The following ZSCAN25 variants were observed in gnomAD, a reference collection of about 807,000 sequenced individuals.
The protein encoded by ZSCAN25 is zinc finger and SCAN domain-containing protein 25.
In ZSCAN25, 27 loss-of-function variants were observed where a neutral mutation model predicts 38.7. The ratio of observed to expected loss-of-function variants is 0.70; its 90% confidence interval spans 0.51 to 0.96. The LOEUF is 0.96. Among genes scored for constraint, ZSCAN25 ranks in the 40% least tolerant of loss-of-function variants. The probability of loss-of-function intolerance (pLI) is 0.00; values close to 1 mark genes in which losing one functional copy is unlikely to be tolerated. For synonymous variants in ZSCAN25, 273 were observed against 277.7 expected (o/e 0.98, Z 0.17); for missense variants, 637 against 705.9 (o/e 0.90, Z 1.11).
chr7:99,678,284 G>C, the ZSCAN25 span, among the ~76,000 whole-genome samples: 21 of 152,200 alleles, frequency 1.4e-4, no homozygotes, highest in African/African-American at 3.9e-4. Context: ...GACCTCCACG[G>C]TGGGGCCAGG....
the ZSCAN25 span, chr7:99,666,942 A>G: frequency 1.2e-6 from 2 of 1,612,382 alleles, no homozygotes; most frequent in Non-Finnish European, 1.7e-6. Context: ...GACTCATCTT[A>G]TTTTCATACC....
the ZSCAN25 span, chr7:99,648,155 A>G: frequency 2.8e-5 from 39 of 1,395,516 alleles, 1 homozygote; most frequent in Non-Finnish European, 3.5e-5. Context: ...ACTCTGGGAG[A>G]GCTCAATGAA....
the ZSCAN25 span, chr7:99,648,317 T>TA: frequency 6.2e-7 from 1 of 1,612,864 alleles, no homozygotes; most frequent in Non-Finnish European, 8.5e-7. Flanking sequence ...ATTCTCCACT[T>TA]AGGGTTCCAT....
At chr7:99,650,017 A>C in the ZSCAN25 span, 2 of 1,591,250 alleles carry the variant, frequency 1.3e-6, no homozygotes, top group South Asian at 2.2e-5. Context: ...CTTTTAAAAA[A>C]TATATACCCT....
chr7:99,722,120 A>G, the ZSCAN25 span, among the ~76,000 whole-genome samples: 43 of 152,248 alleles, frequency 2.8e-4, no homozygotes, highest in Non-Finnish European at 5.6e-4. Flanking sequence ...ACAGTTTCCC[A>G]TTCTAATACT....
At chr7:99,636,034 G>A (rs376888679), downstream of ZSCAN25, among the ~76,000 whole-genome samples, 2 of 125,300 alleles carry the variant, frequency 1.6e-5, no homozygotes, top group East Asian at 2.3e-4. Flanking sequence ...GCAACAGAGC[G>A]AGACTCCATC....
the ZSCAN25 span, chr7:99,667,118 G>A: frequency 2.0e-6 from 3 of 1,521,116 alleles, no homozygotes; most frequent in African/African-American, 4.1e-5. Flanking sequence ...GATCTTCATG[G>A]TTGCACAAAA....
the ZSCAN25 span, chr7:99,674,400 G>A: frequency 1.7e-6 from 1 of 604,114 alleles, no homozygotes; most frequent in African/African-American, 1.9e-5. Flanking sequence ...TCTTCTTTCA[G>A]AGAACCTCTC....
the ZSCAN25 span, chr7:99,650,183 C>T: frequency 2.2e-5 from 35 of 1,613,926 alleles, no homozygotes; most frequent in Admixed American, 5.8e-4. Context: ...GGTCCAGTTC[C>T]AAAGGGTGTG....
chr7:99,621,681 G>A (rs1386320340), intron 5 of ZSCAN25, 107 bp downstream of exon 5: 5 of 977,756 alleles, frequency 5.1e-6, no homozygotes, highest in African/African-American at 5.0e-5. Context: ...CCCACGAGGT[G>A]TAATTGTGAA....
At position 99,618,383 on chromosome 7, in the gene ZSCAN25, T is replaced by C. The variant is rs190771512; in HGVS notation, c.-258-142T>C. ...TTTTTCTTCTGAGAAGTAGGAGGAG[T>C]AGCACTCATCCTACAGAAGTGTTTT... On this transcript the variant is annotated intron_variant, in intron 1 of 7. Coordinates refer to ENST00000394152, the MANE Select transcript of ZSCAN25 (RefSeq NM_145115.3). 1.8e-3 allele frequency: 277 copies of C among 152,072 alleles called. 1 individual carries two copies. Among genetic ancestry groups the C allele is most frequent in the African/African-American group, 6.3e-3 (261 of 41,456 alleles). 9.4% of individuals were successfully genotyped at this position (152,072 alleles called of 1,614,324 possible). A position where few individuals can be genotyped will look rare whatever the true frequency, so the allele number is the denominator to read the frequency against.
the ZSCAN25 span, among the ~76,000 whole-genome samples, chr7:99,642,981 A>G: frequency 6.6e-6 from 1 of 152,092 alleles, no homozygotes; most frequent in South Asian, 2.1e-4. Context: ...CACATAGGAG[A>G]TATTATTATT....
At chr7:99,707,936 A>G in the ZSCAN25 span, 15 of 1,613,884 alleles carry the variant, frequency 9.3e-6, no homozygotes, top group African/African-American at 1.5e-4. Context: ...GGGTGTGTAT[A>G]TGTAAGGATC....
chr7:99,635,759 T>A (rs978157907), downstream of ZSCAN25, among the ~76,000 whole-genome samples: 1 of 152,156 alleles, frequency 6.6e-6, no homozygotes, highest in Non-Finnish European at 1.5e-5. Flanking sequence ...ATTGAAGATA[T>A]AACATGGGCT....
In ZSCAN25 at chr7:99,621,424, G is replaced by A. The variant is rs370941752; in HGVS notation, c.439G>A (p.Ala147Thr). 7.2e-6 allele frequency: 11 copies of A among 1,530,444 alleles called. No homozygotes were observed. Among genetic ancestry groups the A allele is most frequent in the African/African-American group, 5.5e-5 (4 of 72,396 alleles). The allele number at this position is 1,530,444 out of a possible 1,614,324, so 94.8% of individuals were successfully genotyped here. Reference protein sequence around the residue: ...EQEETALCRGAWEPGIQLGPV... With the variant: ...EQEETALCRGTWEPGIQLGPV... ...GGAGGAAACAGCACTTTGCAGAGGCGCTTGGGAGCCAGGCATCCAGCTGGG... is the reference window on the plus strand; with the variant it reads ...GGAGGAAACAGCACTTTGCAGAGGCACTTGGGAGCCAGGCATCCAGCTGGG... The change falls in exon 5 of 8, where the codon GCT (alanine) becomes ACT (threonine). Residue 147 changes from alanine (A) to threonine (T), a missense_variant. Coordinates refer to ENST00000394152, the MANE Select transcript of ZSCAN25 (RefSeq NM_145115.3).
chr7:99,639,081 C>T, the ZSCAN25 span, among the ~76,000 whole-genome samples: 1 of 152,246 alleles, frequency 6.6e-6, no homozygotes, highest in East Asian at 1.9e-4. Context: ...CCTCAACCTA[C>T]CAGATGCCAG....
At chr7:99,658,011 C>T in the ZSCAN25 span, among the ~76,000 whole-genome samples, 1 of 152,166 alleles carries the variant, frequency 6.6e-6, no homozygotes, top group South Asian at 2.1e-4. Flanking sequence ...GAATACAGCA[C>T]ACCGATGGGT....
the ZSCAN25 span, chr7:99,672,006 T>C: frequency 1.7e-6 from 1 of 587,394 alleles, no homozygotes. Flanking sequence ...TACTATAGTA[T>C]TAGGTTGGTG....
At chr7:99,652,036 A>G in the ZSCAN25 span, among the ~76,000 whole-genome samples, 1 of 152,210 alleles carries the variant, frequency 6.6e-6, no homozygotes, top group African/African-American at 2.4e-5. Flanking sequence ...ATGTGGAAGC[A>G]TGTTTTAAAG....
Sources: gnomAD v4.1 joint callset for allele counts (sites outside exome capture counted in the v4.1 genomes callset) on GRCh38, gnomAD v4.1.1 for gene constraint, MANE v1.5 for transcripts, NCBI Gene and HGNC (gene_info 2026-07-23, HGNC 2026-07-21) for gene names.